CAMKMT: variants seen among roughly 807,000 people sequenced by gnomAD.
The protein encoded by CAMKMT is CaM KMT.
CAMKMT carries 53 observed loss-of-function variants against 48.0 expected under a neutral mutation model. That is an observed-to-expected ratio of 1.10 (90% confidence interval 0.89 to 1.39). The LOEUF (loss-of-function observed/expected upper bound fraction) is 1.39, where lower values mean the gene tolerates loss of function less well. Among genes scored for constraint, CAMKMT ranks in the 40% most tolerant of loss-of-function variants. The probability of loss-of-function intolerance (pLI) is 0.00; values close to 1 mark genes in which losing one functional copy is unlikely to be tolerated. For synonymous variants in CAMKMT, 165 were observed against 152.3 expected, an observed-to-expected ratio of 1.08 and a Z score of -0.61; for missense variants, 428 against 402.7, an observed-to-expected ratio of 1.06 and a Z score of -0.54.
intron 3 of CAMKMT, among the ~76,000 whole-genome samples, chr2:44,556,388 C>T (rs1163690954): frequency 1.3e-5 from 2 of 151,668 alleles, no homozygotes; most frequent in African/African-American, 4.8e-5. Flanking sequence ...ATCCACCTGC[C>T]TCGGCCTCTC....
chr2:44,706,250 T>A, intron 4 of CAMKMT, 37 bp from the exon 5 acceptor site: 1 of 1,608,274 alleles, frequency 6.2e-7, no homozygotes, highest in South Asian at 1.1e-5. Flanking sequence ...TTTCATCTAA[T>A]TTGTATGGGT....
intron 1 of CAMKMT, among the ~76,000 whole-genome samples, chr2:44,363,093 G>A (rs572840563): frequency 6.6e-6 from 1 of 152,140 alleles, no homozygotes; most frequent in Non-Finnish European, 1.5e-5. Context: ...GTTGCCTTGA[G>A]TCACCTTTTC....
At chr2:44,759,459 A>T (rs343943) in intron 9 of CAMKMT, among the ~76,000 whole-genome samples, 31,122 of 151,416 alleles carry the variant, frequency 0.21, 3,553 homozygotes, top group African/African-American at 0.31. Flanking sequence ...CTTTTTTTTT[A>T]AAAAAAGTCT....
intron 3 of CAMKMT, among the ~76,000 whole-genome samples, chr2:44,489,167 G>A (rs952311701): frequency 2.0e-5 from 3 of 151,748 alleles, no homozygotes; most frequent in African/African-American, 4.8e-5. Context: ...ACCAACGCTG[G>A]ACTTTTAATT....
chr2:44,743,533 A>C, intron 7 of CAMKMT, 89 bp from the exon 8 acceptor site: 1 of 849,554 alleles, frequency 1.2e-6, no homozygotes, highest in Non-Finnish European at 1.9e-6. Flanking sequence ...AAATAATTTC[A>C]AGTGCCACAA....
At chr2:44,362,244 G>C (rs1270854872) in intron 1 of CAMKMT, 99 bp downstream of exon 1, 2 of 1,114,444 alleles carry the variant, frequency 1.8e-6, no homozygotes, top group Non-Finnish European at 2.4e-6. Context: ...TGGCAGCTCT[G>C]GGAGACCCTT....
At chr2:44,676,357 T>C (rs1365602949) in intron 3 of CAMKMT, among the ~76,000 whole-genome samples, 1 of 152,232 alleles carries the variant, frequency 6.6e-6, no homozygotes, top group Non-Finnish European at 1.5e-5. Context: ...CCAACCAGAA[T>C]ATTCCCATAT....
intron 3 of CAMKMT, among the ~76,000 whole-genome samples, chr2:44,525,723 G>C (rs916430382): frequency 1.3e-5 from 2 of 152,116 alleles, no homozygotes; most frequent in African/African-American, 4.8e-5. Context: ...GAGAAACTGA[G>C]GCTGGAAGAG....
chr2:44,750,850 C>T (rs1033469232), intron 8 of CAMKMT, among the ~76,000 whole-genome samples: 1 of 152,138 alleles, frequency 6.6e-6, no homozygotes, highest in Non-Finnish European at 1.5e-5. Context: ...CCTGCCTCTA[C>T]TAAAATACAA....
intron 3 of CAMKMT, among the ~76,000 whole-genome samples, chr2:44,402,745 T>TTG (rs1397477442): frequency 6.7e-6 from 1 of 148,874 alleles, no homozygotes; most frequent in Admixed American, 6.7e-5. Flanking sequence ...TTGCTGTTTT[T>TTG]TTTTTTTTTT....
chr2:44,738,277 T>C (rs1679473528), intron 7 of CAMKMT, among the ~76,000 whole-genome samples: 1 of 151,006 alleles, frequency 6.6e-6, no homozygotes, highest in African/African-American at 2.4e-5. Flanking sequence ...TATTTCTGTC[T>C]TCTTAAGGAT....
chr2:44,378,435 C>T (rs771414200), intron 2 of CAMKMT, among the ~76,000 whole-genome samples: 13 of 152,054 alleles, frequency 8.5e-5, no homozygotes, highest in Non-Finnish European at 1.2e-4. Flanking sequence ...TTTTTAAGCA[C>T]TTATTTTTGA....
At chr2:44,468,673 C>T (rs140607640) in intron 3 of CAMKMT, among the ~76,000 whole-genome samples, 2,679 of 152,200 alleles carry the variant, frequency 0.018, 83 homozygotes, top group African/African-American at 0.062. Flanking sequence ...AATCCCAGCA[C>T]TTTGGGAGGC....
intron 7 of CAMKMT, among the ~76,000 whole-genome samples, chr2:44,721,915 C>A (rs1443579179): frequency 6.6e-6 from 1 of 152,186 alleles, no homozygotes; most frequent in Non-Finnish European, 1.5e-5. Flanking sequence ...CTCCCTCCTC[C>A]CTTCCAGGGC....
intron 3 of CAMKMT, among the ~76,000 whole-genome samples, chr2:44,442,634 C>T (rs1355031199): frequency 1.3e-5 from 2 of 152,224 alleles, no homozygotes; most frequent in Non-Finnish European, 2.9e-5. Flanking sequence ...CTCTGACCGA[C>T]TTCTACTGAT....
At chr2:44,528,660 A>G (rs917156457) in intron 3 of CAMKMT, among the ~76,000 whole-genome samples, 3 of 152,186 alleles carry the variant, frequency 2.0e-5, no homozygotes, top group African/African-American at 7.2e-5. Context: ...AACAGTATCC[A>G]CACATTGCAT....
intron 3 of CAMKMT, among the ~76,000 whole-genome samples, chr2:44,619,313 T>C (rs1416152787): frequency 6.6e-6 from 1 of 152,222 alleles, no homozygotes; most frequent in Non-Finnish European, 1.5e-5. Context: ...CTGTGTTATA[T>C]AGATAATTGA....
chr2:44,496,094 C>T (rs1669739300), intron 3 of CAMKMT, among the ~76,000 whole-genome samples: 2 of 152,124 alleles, frequency 1.3e-5, no homozygotes, highest in Admixed American at 1.3e-4. Flanking sequence ...AATGCCAAAG[C>T]ATTTGAAGCT....
Position 44,362,127 on chromosome 2 carries a change from G to T in CAMKMT, c.120G>T (p.Arg40=). The change falls in exon 1 of 11, where the codon CGG becomes CGT. Residue 40 remains arginine (R), a synonymous_variant. Coordinates refer to ENST00000378494, the MANE Select transcript of CAMKMT (RefSeq NM_024766.5). ...PVVSAPLGAA[R]WKLLRQVLKQ... The stretch of plus-strand genomic sequence containing the variant: ...TCTCGGCGCCCCTGGGAGCCGCCCG[G>T]TGGAAGCTCCTGCGGCAGGTAAGGG... The T allele has an allele frequency of 1.4e-6, 2 of 1,477,980 alleles. No homozygotes were observed. The highest frequency in any genetic ancestry group is 1.8e-6 in the Non-Finnish European group (2 of 1,125,432). 91.6% of individuals were successfully genotyped at this position (1,477,980 alleles called of 1,614,324 possible).
Sources: gnomAD v4.1 joint callset for allele counts (sites outside exome capture counted in the v4.1 genomes callset) on GRCh38, gnomAD v4.1.1 for gene constraint, MANE v1.5 for transcripts, NCBI Gene and HGNC (gene_info 2026-07-23, HGNC 2026-07-21) for gene names.